Variants in PICK1 observed in about 807,000 individuals in gnomAD.
The protein encoded by PICK1 is protein interacting with PRKCA 1.
In PICK1, 23 loss-of-function variants were observed where a neutral mutation model predicts 48.9. The ratio of observed to expected loss-of-function variants is 0.47; its 90% CI spans 0.34 to 0.67. The LOEUF is 0.67. PICK1 is among the 30% of genes least tolerant of loss of function. The probability of loss-of-function intolerance (pLI) is 0.01; values close to 1 mark genes in which losing one functional copy is unlikely to be tolerated. For missense variants in PICK1, 423 were observed against 557.1 expected (o/e 0.76, Z 2.42); for synonymous variants, 217 against 228.2 (o/e 0.95, Z 0.44).
At chr22:38,068,960 T>G in intron 5 of PICK1, 73 bp from the exon 6 acceptor site, 23 of 1,245,852 alleles carry the variant, frequency 1.8e-5, no homozygotes, top group Non-Finnish European at 2.4e-5. Context: ...TCCCTGTGCA[T>G]GGAGGTAAGG....
In PICK1 at chr22:38,075,257, C is replaced by A; in HGVS notation, c.*125C>A. ...CTGGCTTGGGGCGCCTGCCTCCCTG[C>A]TCCTCTGTCCTCGCACAGCGAACCT... On this transcript the variant is annotated 3_prime_UTR_variant, in exon 13 of 13. Transcript: ENST00000356976. 2 of 916,074 alleles carry A rather than the reference C, an allele frequency of 2.2e-6. No homozygotes were observed. Among genetic ancestry groups the A allele is most frequent in the Admixed American group, 5.6e-5 (2 of 35,680 alleles). 56.7% of individuals were successfully genotyped at this position (916,074 alleles called of 1,614,324 possible).
rs140297551 is a variant in PICK1, at chr22:38,063,188, GCT to G, written c.154-1811_154-1810del. Reference sequence around the variant, plus strand: ...TTTTTTTTTTTTGAGACAGGATCTTGCTCTGTCGCCCAGGCTGGAGTGCAGGG... The same window carrying G: ...TTTTTTTTTTTTGAGACAGGATCTTGCTGTCGCCCAGGCTGGAGTGCAGGG... On this transcript the variant is annotated intron_variant, in intron 3 of 12. Coordinates refer to ENST00000356976, the MANE Select transcript of PICK1 (RefSeq NM_012407.4). Among the ~76,000 whole-genome samples, 1,438 of 148,772 alleles carry G rather than the reference GCT, an allele frequency of 9.7e-3. 23 individuals are homozygous for G. The highest frequency in any genetic ancestry group is 0.034 in the African/African-American group (1,376 of 40,178).
Position 38,073,181 on chromosome 22 carries a change from GC to G in PICK1, c.783+91del. The G allele has an allele frequency of 1.1e-6, 1 of 881,118 alleles. No individual in the cohort carries two copies. Among genetic ancestry groups the G allele is most frequent in the Non-Finnish European group, 1.9e-6 (1 of 518,468 alleles). The allele number at this position is 881,118 out of a possible 1,614,324, so 54.6% of individuals were successfully genotyped here. On this transcript the variant is annotated intron_variant, in intron 10 of 12. Transcript: ENST00000356976. This position sits in a 1 kb window ranked among gnomAD's most constrained non-coding sequence, Gnocchi z 5.7. ...AGTCAGCCATGCTGCGGCCAGCGAG[GC>G]CAGCCAGAGCTGACAGCATGTCTGC...
At position 38,075,455 on chromosome 22, in the gene PICK1, G is replaced by A. The variant is rs1012710969; in HGVS notation, c.*323G>A. The stretch of plus-strand genomic sequence containing the variant: ...AAGAAAGGACTTGGAGGTGGCAGGA[G>A]TCCGAGCCCTGCTCCTTGTGGGCGC... On this transcript the variant is annotated 3_prime_UTR_variant, in exon 13 of 13. Transcript: ENST00000356976. 4.6e-5 allele frequency: 15 copies of A among 329,172 alleles called. No individual in the cohort carries two copies. In the East Asian group the frequency reaches 4.8e-4, roughly 11 times the overall value. 20.4% of individuals were successfully genotyped at this position (329,172 alleles called of 1,614,324 possible).
chr22:38,073,921 T>C lies in PICK1; in HGVS notation c.834+98T>C. On this transcript the variant is annotated intron_variant, in intron 11 of 12. Transcript: ENST00000356976. This position sits in a 1 kb window ranked among gnomAD's most constrained non-coding sequence, Gnocchi z 5.7. ...CCAACCCGGGAGAGACCGGGGGGAC[T>C]TGGCTGGACTCTCGTTCCTGGAGAT... The C allele has an allele frequency of 8.3e-7, 1 of 1,201,750 alleles. No homozygotes were observed. Among genetic ancestry groups the C allele is most frequent in the Non-Finnish European group, 1.2e-6 (1 of 808,674 alleles). 74.4% of individuals were successfully genotyped at this position (1,201,750 alleles called of 1,614,324 possible). A position where few individuals can be genotyped will look rare whatever the true frequency, so the allele number is the denominator to read the frequency against.
chr22:38,075,448 G>A lies in PICK1; in HGVS notation c.*316G>A, dbSNP rs2085819282. On this transcript the variant is annotated 3_prime_UTR_variant, in exon 13 of 13. Coordinates refer to ENST00000356976, the MANE Select transcript of PICK1 (RefSeq NM_012407.4). ...GAAGGAAAAGAAAGGACTTGGAGGT[G>A]GCAGGAGTCCGAGCCCTGCTCCTTG... 4 of 344,946 alleles carry A rather than the reference G, an allele frequency of 1.2e-5. No homozygotes were observed. The highest frequency in any genetic ancestry group is 8.4e-4 in the Middle Eastern group (1 of 1,186). The allele number at this position is 344,946 out of a possible 1,614,324, so 21.4% of individuals were successfully genotyped here. A position where few individuals can be genotyped will look rare whatever the true frequency, so the allele number is the denominator to read the frequency against.
At chr22:38,061,451 C>G (rs2085400563) in intron 3 of PICK1, among the ~76,000 whole-genome samples, 1 of 152,102 alleles carries the variant, frequency 6.6e-6, no homozygotes, top group Admixed American at 6.6e-5. Flanking sequence ...ATTAAAAGCC[C>G]TGTATCAAAT....
At position 38,074,545 on chromosome 22, in the gene PICK1, A is replaced by G. The variant is rs1344254189; in HGVS notation, c.979+94A>G. The G allele has an allele frequency of 5.3e-6, 8 of 1,515,454 alleles. No individual in the cohort carries two copies. The highest frequency in any genetic ancestry group is 1.7e-4 in the Middle Eastern group (1 of 5,876). The allele number at this position is 1,515,454 out of a possible 1,614,324, so 93.9% of individuals were successfully genotyped here. ...CTCTCAGGGCCAGGCCACGGCCCAG[A>G]TGTAAAGCCCCTCCAGGAGCCCAGC... On this transcript the variant is annotated intron_variant, in intron 12 of 12. Coordinates refer to ENST00000356976, the MANE Select transcript of PICK1 (RefSeq NM_012407.4). The surrounding 1 kb of genome is among the most constrained non-coding windows in gnomAD (Gnocchi z 4.5).
intron 3 of PICK1, among the ~76,000 whole-genome samples, chr22:38,061,728 C>T (rs1340092485): frequency 5.3e-5 from 8 of 152,100 alleles, no homozygotes; most frequent in Non-Finnish European, 8.8e-5. Flanking sequence ...GCCATGTTGC[C>T]CAGGCTTGTC....
chr22:38,067,370 T>C (rs2085554459), intron 4 of PICK1: 18 of 343,060 alleles, frequency 5.2e-5, no homozygotes, highest in South Asian at 4.1e-4. Context: ...AGTGCAATGG[T>C]GTGATCTCAG....
At chr22:38,069,180 T>G (rs959991015) in intron 6 of PICK1, 58 bp downstream of exon 6, 6 of 1,275,412 alleles carry the variant, frequency 4.7e-6, no homozygotes, top group African/African-American at 1.5e-5. Flanking sequence ...CTGAGAAGAG[T>G]GGGGGGCACC....
At chr22:38,070,999 C>G (rs1043614716) in intron 7 of PICK1, 108 bp downstream of exon 7, 1 of 846,928 alleles carries the variant, frequency 1.2e-6, no homozygotes, top group Non-Finnish European at 2.0e-6. Flanking sequence ...CTACAAAATA[C>G]TAGGACCATG....
chr22:38,073,021 T>G lies in PICK1; in HGVS notation c.712T>G (p.Tyr238Asp). The G allele has an allele frequency of 6.2e-7, 1 of 1,613,606 alleles. No individual in the cohort carries two copies. Among genetic ancestry groups the G allele is most frequent in the Non-Finnish European group, 8.5e-7 (1 of 1,179,626 alleles). The stretch of plus-strand genomic sequence containing the variant: ...CCAGATGCTGACGGATCTGAACACG[T>G]ACCTCAACAAAGCCATCCCGGACAC... ...IKPMLTDLNT[Y>D]LNKAIPDTRL... The change falls in exon 10 of 13, where the codon TAC becomes GAC. Residue 238 changes from tyrosine to aspartate, a missense_variant. Physicochemically the swap from Tyr to Asp is radical, Grantham distance 160. Coordinates refer to ENST00000356976, the MANE Select transcript of PICK1 (RefSeq NM_012407.4). The surrounding 1 kb of genome is among the most constrained non-coding windows in gnomAD (Gnocchi z 5.7).
chr22:38,058,020 G>A, intron 2 of PICK1, 170 bp downstream of exon 2: 1 of 699,066 alleles, frequency 1.4e-6, no homozygotes, highest in South Asian at 1.5e-5. Flanking sequence ...GGGGGCTGTG[G>A]ACAGTTAAAG....
At chr22:38,068,232 G>T (rs1027624797) in intron 5 of PICK1, 1 of 425,608 alleles carries the variant, frequency 2.3e-6, no homozygotes, top group South Asian at 1.6e-5. Context: ...TGGACCTCAG[G>T]CATTGGGCAG....
intron 5 of PICK1, chr22:38,068,242 G>A (rs1014428538): frequency 2.4e-6 from 1 of 411,492 alleles, no homozygotes; most frequent in Non-Finnish European, 5.0e-6. Context: ...GCATTGGGCA[G>A]AGGGTCTGCG....
rs181608645 is a variant in PICK1, at chr22:38,073,367, G to A, written c.783+275G>A. ...AAACAATGGGTTAGACTAGGTGAGT[G>A]AGCATAAAATGGGTGTCAGTGAACG... On this transcript the variant is annotated intron_variant, in intron 10 of 12. Coordinates refer to ENST00000356976, the MANE Select transcript of PICK1 (RefSeq NM_012407.4). This position sits in a 1 kb window ranked among gnomAD's most constrained non-coding sequence, Gnocchi z 5.7. 6.6e-6 allele frequency among the ~76,000 whole-genome samples: 1 copy of A among 152,346 alleles called. No homozygotes were observed. Among genetic ancestry groups the A allele is most frequent in the Non-Finnish European group, 1.5e-5 (1 of 68,036 alleles).
chr22:38,063,424 G>A (rs1174762434), intron 3 of PICK1, among the ~76,000 whole-genome samples: 3 of 151,760 alleles, frequency 2.0e-5, no homozygotes, highest in Non-Finnish European at 4.4e-5. Context: ...GCGCACCACC[G>A]TGCCCAGCCC....
At chr22:38,062,769 C>T (rs1426997597) in intron 3 of PICK1, among the ~76,000 whole-genome samples, 2 of 152,170 alleles carry the variant, frequency 1.3e-5, no homozygotes, top group African/African-American at 4.8e-5. Flanking sequence ...TTGTGGTTCC[C>T]ATATTCCTTT....
Sources: allele counts gnomAD v4.1 joint callset (sites outside exome capture counted in the v4.1 genomes callset), GRCh38; gene constraint gnomAD v4.1.1; non-coding constraint Gnocchi (gnomAD v3.1); transcripts MANE v1.5; gene names NCBI Gene and HGNC (gene_info 2026-07-23, HGNC 2026-07-21).